LGSN: variants seen among roughly 807,000 people sequenced by gnomAD.
LGSN encodes lengsin.
In LGSN, 21 loss-of-function variants were observed where a neutral mutation model predicts 19.5. The ratio of observed to expected loss-of-function variants is 1.07; its 90% CI spans 0.76 to 1.55. The LOEUF is 1.55. Among genes scored for constraint, LGSN ranks in the 40% most tolerant of loss-of-function variants. LGSN has a pLI of 0.00. For synonymous variants in LGSN, 257 were observed against 215.6 expected (o/e 1.19, Z -1.68); for missense variants, 673 against 608.5 (o/e 1.11, Z -1.12).
the LGSN span, among the ~76,000 whole-genome samples, chr6:63,453,663 T>G: frequency 6.6e-6 from 1 of 152,172 alleles, no homozygotes; most frequent in East Asian, 1.9e-4. Flanking sequence ...TATAATTTTT[T>G]CTTTTTTTGA....
At chr6:63,470,829 ATAAGTG>A in the LGSN span, among the ~76,000 whole-genome samples, 3 of 152,152 alleles carry the variant, frequency 2.0e-5, no homozygotes, top group Non-Finnish European at 4.4e-5. Flanking sequence ...CAAGACAGAA[ATAAGTG>A]TAAGTACAGT....
chr6:63,333,576 G>GAA, the LGSN span, among the ~76,000 whole-genome samples: 1 of 124,630 alleles, frequency 8.0e-6, no homozygotes, highest in African/African-American at 3.1e-5. Flanking sequence ...GAGAGAGAGA[G>GAA]AGGAAGGAAG....
the LGSN span, among the ~76,000 whole-genome samples, chr6:63,369,516 G>C: frequency 6.6e-6 from 1 of 152,202 alleles, no homozygotes. Flanking sequence ...CTGATGCCCA[G>C]TCTTCACCCT....
At chr6:63,464,833 C>A in the LGSN span, among the ~76,000 whole-genome samples, 1 of 151,818 alleles carries the variant, frequency 6.6e-6, no homozygotes, top group Non-Finnish European at 1.5e-5. Flanking sequence ...TTGAGACCAG[C>A]CTGGCCAAAA....
the LGSN span, among the ~76,000 whole-genome samples, chr6:63,417,341 C>G: frequency 6.6e-6 from 1 of 152,122 alleles, no homozygotes; most frequent in Non-Finnish European, 1.5e-5. Flanking sequence ...CCAGTGCCCT[C>G]AACTCTGAAG....
chr6:63,487,781 G>A, the LGSN span, among the ~76,000 whole-genome samples: 2 of 152,186 alleles, frequency 1.3e-5, no homozygotes, highest in African/African-American at 4.8e-5. Context: ...AGGATTTTGA[G>A]ACCAGCCTGG....
chr6:63,495,719 G>A, the LGSN span, among the ~76,000 whole-genome samples: 4 of 151,434 alleles, frequency 2.6e-5, no homozygotes, highest in South Asian at 8.4e-4. Context: ...CAAAGTGCCG[G>A]GATTATAGGC....
the LGSN span, among the ~76,000 whole-genome samples, chr6:63,501,670 A>G: frequency 3.3e-5 from 5 of 152,228 alleles, no homozygotes; most frequent in Non-Finnish European, 5.9e-5. Flanking sequence ...AACAAATATA[A>G]CAAAGTAGTG....
chr6:63,418,312 C>T, the LGSN span, among the ~76,000 whole-genome samples: 1 of 152,112 alleles, frequency 6.6e-6, no homozygotes, highest in Non-Finnish European at 1.5e-5. Flanking sequence ...CCTGTAATCC[C>T]AGCACTTTGG....
the LGSN span, among the ~76,000 whole-genome samples, chr6:63,437,956 C>T: frequency 1.3e-5 from 2 of 152,030 alleles, no homozygotes; most frequent in African/African-American, 4.8e-5. Flanking sequence ...GTACAATAAC[C>T]TACTTATCTC....
At chr6:63,470,748 G>T in the LGSN span, among the ~76,000 whole-genome samples, 1 of 151,852 alleles carries the variant, frequency 6.6e-6, no homozygotes, top group Non-Finnish European at 1.5e-5. Flanking sequence ...CTTCTTTGAG[G>T]TCATCCTTAG....
chr6:63,521,861 G>T, the LGSN span: 2 of 152,088 alleles, frequency 1.3e-5, no homozygotes, highest in East Asian at 3.8e-4. Flanking sequence ...ATATTTTATG[G>T]AACACCTAGG....
At chr6:63,541,323 G>A in the LGSN span, among the ~76,000 whole-genome samples, 27 of 152,128 alleles carry the variant, frequency 1.8e-4, no homozygotes, top group Admixed American at 1.4e-3. Context: ...GGGAGGTCAA[G>A]GCGGGTGGAT....
the LGSN span, among the ~76,000 whole-genome samples, chr6:63,511,872 T>A: frequency 6.6e-6 from 1 of 152,186 alleles, no homozygotes; most frequent in Non-Finnish European, 1.5e-5. Context: ...AAAGACAGTT[T>A]AAATCCACAT....
At chr6:63,507,605 G>T in the LGSN span, among the ~76,000 whole-genome samples, 1 of 152,080 alleles carries the variant, frequency 6.6e-6, no homozygotes, top group African/African-American at 2.4e-5. Context: ...TTTCATATGA[G>T]ACCATTCTTG....
chr6:63,427,255 G>A, the LGSN span, among the ~76,000 whole-genome samples: 1 of 152,000 alleles, frequency 6.6e-6, no homozygotes, highest in African/African-American at 2.4e-5. Flanking sequence ...TGTTGGCCAG[G>A]CTGGTCTTGA....
intron 1 of LGSN, among the ~76,000 whole-genome samples, chr6:63,309,478 G>A (rs1296323536): frequency 6.6e-6 from 1 of 151,996 alleles, no homozygotes; most frequent in African/African-American, 2.4e-5. Context: ...TTTGTCACCT[G>A]GATTGACACA....
the LGSN span, among the ~76,000 whole-genome samples, chr6:63,438,088 C>T: frequency 8.7e-4 from 133 of 152,206 alleles, no homozygotes; most frequent in African/African-American, 2.9e-3. Flanking sequence ...ATTTCTTACA[C>T]GGTATGAGTA....
the LGSN span, among the ~76,000 whole-genome samples, chr6:63,503,786 C>T: frequency 6.6e-6 from 1 of 152,020 alleles, no homozygotes; most frequent in African/African-American, 2.4e-5. Context: ...GACAGTGGCA[C>T]CTGCCTCTAG....
Sources: allele counts gnomAD v4.1 joint callset (sites outside exome capture counted in the v4.1 genomes callset), GRCh38; gene constraint gnomAD v4.1.1; transcripts MANE v1.5; gene names NCBI Gene and HGNC (gene_info 2026-07-23, HGNC 2026-07-21).